GRM3: variants seen among roughly 807,000 people sequenced by gnomAD.
GRM3 encodes glutamate metabotropic receptor 3.
Under a neutral mutation model 70.5 loss-of-function variants are expected in GRM3, and 26 were observed. The observed-to-expected ratio is 0.37, with a 90% confidence interval of 0.27 to 0.51. GRM3 has a LOEUF of 0.51. Ranked by LOEUF, GRM3 falls within the 20% of genes least tolerant of loss-of-function variation. The pLI, the probability that GRM3 is intolerant of heterozygous loss-of-function variation, is 0.93. For missense variants in GRM3, 859 were observed against 1,123.8 expected (o/e 0.76, Z 3.37); for synonymous variants, 443 against 434.9 (o/e 1.02, Z -0.23).
intron 1 of GRM3, among the ~76,000 whole-genome samples, chr7:86,658,554 A>C (rs1233508019): frequency 6.6e-6 from 1 of 152,154 alleles, no homozygotes; most frequent in East Asian, 1.9e-4. Flanking sequence ...CCTTCATCAC[A>C]CTTTATTATA....
intron 3 of GRM3, among the ~76,000 whole-genome samples, chr7:86,802,800 G>A (rs1797711499): frequency 6.6e-6 from 1 of 152,132 alleles, no homozygotes; most frequent in South Asian, 2.1e-4. Context: ...TGATAGTTTT[G>A]TGGGTTTGTT....
intron 1 of GRM3, among the ~76,000 whole-genome samples, chr7:86,700,387 G>A (rs1044987638): frequency 2.0e-5 from 3 of 151,776 alleles, no homozygotes; most frequent in African/African-American, 7.3e-5. Context: ...ATTCAATATG[G>A]GAGATTTTAT....
At chr7:86,805,360 A>G (rs1487141286) in intron 3 of GRM3, among the ~76,000 whole-genome samples, 1 of 152,176 alleles carries the variant, frequency 6.6e-6, no homozygotes, top group Non-Finnish European at 1.5e-5. Flanking sequence ...CTCCCTGACC[A>G]CATATACACA....
intron 1 of GRM3, among the ~76,000 whole-genome samples, chr7:86,729,849 T>C (rs1795685964): frequency 6.6e-6 from 1 of 152,210 alleles, no homozygotes; most frequent in African/African-American, 2.4e-5. Context: ...GGCTCATGCC[T>C]GTAATTCCAG....
intron 3 of GRM3, among the ~76,000 whole-genome samples, chr7:86,836,404 A>G (rs1798458169): frequency 6.6e-6 from 1 of 152,236 alleles, no homozygotes; most frequent in South Asian, 2.1e-4. Context: ...GCTACAAGAT[A>G]ATAGTATACA....
intron 1 of GRM3, among the ~76,000 whole-genome samples, chr7:86,716,795 G>A (rs776871168): frequency 6.6e-6 from 1 of 151,798 alleles, no homozygotes; most frequent in Non-Finnish European, 1.5e-5. Flanking sequence ...CCCTTGTTGG[G>A]ATAGTTTGAA....
chr7:86,743,792 T>C lies in GRM3; in HGVS notation c.-140-21214T>C, dbSNP rs1796043309. ...ATCTCTGTGGGCTAGAAAAGAGTGT[T>C]CAGCCCCTCCTCCAAATCTATCATG... On this transcript the variant is annotated intron_variant, in intron 1 of 5. Transcript: ENST00000361669. Among the ~76,000 whole-genome samples the C allele has an allele frequency of 2.0e-5, 3 of 152,230 alleles. No individual in the cohort carries two copies. In the South Asian group the frequency reaches 6.2e-4, roughly 32 times the overall value.
chr7:86,738,807 CAT>C (rs1644184995), intron 1 of GRM3, among the ~76,000 whole-genome samples: 1 of 152,164 alleles, frequency 6.6e-6, no homozygotes, highest in Non-Finnish European at 1.5e-5. Flanking sequence ...TCATGCACAA[CAT>C]ATAGTTTTGA....
At chr7:86,826,351 C>A (rs955659606) in intron 3 of GRM3, among the ~76,000 whole-genome samples, 8 of 152,192 alleles carry the variant, frequency 5.3e-5, no homozygotes, top group Non-Finnish European at 1.2e-4. Flanking sequence ...CCTGCTCCTG[C>A]TGCAGACAAG....
intron 1 of GRM3, among the ~76,000 whole-genome samples, chr7:86,716,949 T>C (rs889613188): frequency 3.3e-5 from 5 of 151,914 alleles, no homozygotes; most frequent in Non-Finnish European, 5.9e-5. Flanking sequence ...ACTCTGGAGT[T>C]GGACTACCTG....
At chr7:86,722,750 T>TAAA (rs111718336) in intron 1 of GRM3, among the ~76,000 whole-genome samples, 3 of 151,718 alleles carry the variant, frequency 2.0e-5, no homozygotes, top group African/African-American at 7.3e-5. Context: ...TAAAATATGA[T>TAAA]AAAAAAAATC....
chr7:86,752,680 T>G lies in GRM3; in HGVS notation c.-140-12326T>G, dbSNP rs181485119. 1.3e-4 allele frequency among the ~76,000 whole-genome samples: 20 copies of G among 152,198 alleles called. No homozygotes were observed. The East Asian group carries it at 3.1e-3, about 24-fold the overall frequency. ...GCCATGGAATTTAAAGACTAATAAGTGTTATAGAGGACCCAAACCTCCTAT... is the reference window on the plus strand; with the variant it reads ...GCCATGGAATTTAAAGACTAATAAGGGTTATAGAGGACCCAAACCTCCTAT... On this transcript the variant is annotated intron_variant, in intron 1 of 5. Transcript: ENST00000361669.
At chr7:86,712,607 G>T (rs1795224023) in intron 1 of GRM3, among the ~76,000 whole-genome samples, 1 of 151,852 alleles carries the variant, frequency 6.6e-6, no homozygotes, top group African/African-American at 2.4e-5. Flanking sequence ...CTGTACATTT[G>T]TATCCATCAT....
intron 1 of GRM3, among the ~76,000 whole-genome samples, chr7:86,729,508 T>C (rs1056460948): frequency 1.3e-4 from 20 of 152,354 alleles, no homozygotes; most frequent in Admixed American, 7.8e-4. Flanking sequence ...TTTACTAACA[T>C]GGAGGAAAGC....
chr7:86,760,189 T>C (rs1796444442), intron 1 of GRM3, among the ~76,000 whole-genome samples: 2 of 152,132 alleles, frequency 1.3e-5, no homozygotes, highest in African/African-American at 4.8e-5. Flanking sequence ...GATAAACTAC[T>C]TTTGTATTGA....
At chr7:86,739,252 C>T (rs1332338183) in intron 1 of GRM3, among the ~76,000 whole-genome samples, 1 of 152,218 alleles carries the variant, frequency 6.6e-6, no homozygotes, top group Non-Finnish European at 1.5e-5. Context: ...GCTGGGACTA[C>T]AGGCATGAGC....
chr7:86,841,868 T>C (rs1318595589), intron 4 of GRM3, among the ~76,000 whole-genome samples: 2 of 152,124 alleles, frequency 1.3e-5, no homozygotes, highest in South Asian at 2.1e-4. Context: ...TTTCACCACA[T>C]AGAAGAAGTC....
chr7:86,677,653 A>G lies in GRM3; in HGVS notation c.-141+32781A>G, dbSNP rs12539721. ...CAATTTTCAGTCTGGCTAAGAAGGA[A>G]GAACTTACTAGGAAATTGACAGGTG... is the stretch of plus-strand genomic sequence containing the variant. On this transcript the variant is annotated intron_variant, in intron 1 of 5. Transcript: ENST00000361669. Among the ~76,000 whole-genome samples the G allele has an allele frequency of 1.2e-3, 190 of 152,160 alleles. 1 individual carries two copies. The highest frequency in any genetic ancestry group is 7.3e-3 in the Admixed American group (111 of 15,222).
At position 86,780,468 on chromosome 7, in the gene GRM3, T is replaced by C. The variant is rs564813249; in HGVS notation, c.469-5793T>C. On this transcript the variant is annotated intron_variant, in intron 2 of 5. Coordinates refer to ENST00000361669, the MANE Select transcript of GRM3 (RefSeq NM_000840.3). ...GACTTGATAACCTGCAATGAAAACA[T>C]TGCAACACCTAAGTCCTGGATAAAT... 1.6e-4 allele frequency among the ~76,000 whole-genome samples: 24 copies of C among 152,316 alleles called. 1 individual carries two copies. Among genetic ancestry groups the C allele is most frequent in the Admixed American group, 1.0e-3 (16 of 15,302 alleles).
Sources: allele counts gnomAD v4.1 joint callset (sites outside exome capture counted in the v4.1 genomes callset), GRCh38; gene constraint gnomAD v4.1.1; transcripts MANE v1.5; gene names NCBI Gene and HGNC (gene_info 2026-07-23, HGNC 2026-07-21).